Variants in SFSWAP observed in about 807,000 individuals in gnomAD.
SFSWAP encodes splicing factor, suppressor of white-apricot homolog.
A neutral mutation model predicts 100.7 loss-of-function variants in SFSWAP; 17 were observed. That is an observed-to-expected ratio of 0.17 (90% CI 0.12 to 0.25). The LOEUF is 0.25. SFSWAP is among the 10% of genes least tolerant of loss of function. SFSWAP has a pLI of 1.00. For missense variants in SFSWAP, 1,005 were observed against 1,262.6 expected (o/e 0.80, Z 3.09); for synonymous variants, 504 against 510.1 (o/e 0.99, Z 0.16).
rs901066468 is a variant in SFSWAP, at chr12:131,734,476, G to A, written c.1081+6048G>A. Among the ~76,000 whole-genome samples, 6 of 152,186 alleles carry A rather than the reference G, an allele frequency of 3.9e-5. No individual in the cohort carries two copies. In the East Asian group the frequency reaches 5.8e-4, roughly 15 times the overall value. The stretch of plus-strand genomic sequence containing the variant: ...CCCACGCACTCCCTGCTTGTAAGCC[G>A]GGGCCGCATTGTTGTGTTACCACAC... On this transcript the variant is annotated intron_variant, in intron 7 of 17. Transcript: ENST00000261674. This position sits in a 1 kb window ranked among gnomAD's most constrained non-coding sequence, Gnocchi z 4.9.
chr12:131,732,067 G>A (rs1196679391), intron 7 of SFSWAP, among the ~76,000 whole-genome samples: 2 of 151,438 alleles, frequency 1.3e-5, no homozygotes, highest in African/African-American at 2.4e-5. Context: ...TCGTCACCAC[G>A]CCTGGCTAAT....
At chr12:131,754,545 T>G in intron 9 of SFSWAP, 46 bp downstream of exon 9, 1 of 1,389,584 alleles carries the variant, frequency 7.2e-7, no homozygotes, top group Non-Finnish European at 9.5e-7. Flanking sequence ...ATTTGGGGGT[T>G]TCGTTTAGCC....
chr12:131,736,154 G>C (rs1170901846), intron 7 of SFSWAP, among the ~76,000 whole-genome samples: 1 of 152,106 alleles, frequency 6.6e-6, no homozygotes, highest in East Asian at 1.9e-4. Context: ...GGATGAATGA[G>C]TCCCCAAAAA....
At chr12:131,754,643 T>C (rs1435895184) in intron 9 of SFSWAP, 144 bp downstream of exon 9, 3 of 516,482 alleles carry the variant, frequency 5.8e-6, no homozygotes, top group Admixed American at 9.7e-5. Context: ...TTTTTTTTTT[T>C]TTTTTTTTGA....
At chr12:131,726,566 T>C (rs185015948) in intron 5 of SFSWAP, among the ~76,000 whole-genome samples, 5 of 152,366 alleles carry the variant, frequency 3.3e-5, no homozygotes, top group Admixed American at 3.3e-4. Flanking sequence ...GTTGTGTAAA[T>C]CTTAATGCAG....
intron 11 of SFSWAP, among the ~76,000 whole-genome samples, chr12:131,759,651 A>C (rs1346014720): frequency 1.3e-5 from 2 of 151,774 alleles, no homozygotes; most frequent in African/African-American, 4.8e-5. Context: ...TAAAAAAAAA[A>C]TTAGCCGGGC....
chr12:131,795,878 A>G (rs1208507377), intron 15 of SFSWAP, among the ~76,000 whole-genome samples: 1 of 149,850 alleles, frequency 6.7e-6, no homozygotes, highest in Non-Finnish European at 1.5e-5. Flanking sequence ...AGGCTGAGCC[A>G]GGGAGTCCCC....
At chr12:131,785,117 G>A in intron 14 of SFSWAP, 1 of 1,535,686 alleles carries the variant, frequency 6.5e-7, no homozygotes, top group Non-Finnish European at 8.7e-7. Context: ...CCCTGTCAGA[G>A]CAGCGCGTCA....
In SFSWAP at chr12:131,769,803, A is replaced by G. The variant is rs181593988; in HGVS notation, c.2142+3495A>G. ...CACCACGCCCGGCTAATTTTTTTGTATTTTTAGTAGAGACGGGGTTTCACC... is the reference window on the plus strand; with the variant it reads ...CACCACGCCCGGCTAATTTTTTTGTGTTTTTAGTAGAGACGGGGTTTCACC... On this transcript the variant is annotated intron_variant, in intron 13 of 17. Transcript: ENST00000261674. Among the ~76,000 whole-genome samples the G allele has an allele frequency of 2.5e-4, 38 of 152,008 alleles. No homozygotes were observed. The Middle Eastern group carries it at 0.01, about 41-fold the overall frequency.
At position 131,778,297 on chromosome 12, in the gene SFSWAP, T is replaced by C; in HGVS notation, c.2375T>C (p.Leu792Pro). The change falls in exon 14 of 18, where the codon CTT becomes CCT. Residue 792 changes from leucine to proline, a missense_variant. Physicochemically the swap from Leu to Pro is moderately conservative, Grantham distance 98. Transcript: ENST00000261674. The surrounding 1 kb of genome is among the most constrained non-coding windows in gnomAD (Gnocchi z 4.2). The stretch of plus-strand genomic sequence containing the variant: ...TCACACTCAAAAGCAAAGCATTCTC[T>C]TCCCAGTGCCTATCGGACAGTGCGG... Reference protein sequence around the residue: ...SRSHSKAKHSLPSAYRTVRRS... With the variant: ...SRSHSKAKHSPPSAYRTVRRS... 1 of 1,612,966 alleles carries C rather than the reference T, an allele frequency of 6.2e-7. No individual in the cohort carries two copies.
rs925398142 is a variant in SFSWAP at position 131,734,456 on chromosome 12, G to A, written c.1081+6028G>A. 4.6e-5 allele frequency among the ~76,000 whole-genome samples: 7 copies of A among 152,284 alleles called. No homozygotes were observed. The highest frequency in any genetic ancestry group is 3.4e-3 in the Middle Eastern group (1 of 294). ...TCAGAGAGGCAGCCGCCCACCCCAC[G>A]CACTCCCTGCTTGTAAGCCGGGGCC... is the stretch of plus-strand genomic sequence containing the variant. On this transcript the variant is annotated intron_variant, in intron 7 of 17. Coordinates refer to ENST00000261674, the MANE Select transcript of SFSWAP (RefSeq NM_004592.4). The surrounding 1 kb of genome is among the most constrained non-coding windows in gnomAD (Gnocchi z 4.9).
intron 15 of SFSWAP, among the ~76,000 whole-genome samples, chr12:131,792,269 A>G (rs1302305144): frequency 3.6e-5 from 5 of 137,172 alleles, no homozygotes; most frequent in Admixed American, 7.5e-5. Context: ...CTGTGTGTGC[A>G]TATGTGTGTA....
In SFSWAP at chr12:131,730,938, G is replaced by A. The variant is rs531976453; in HGVS notation, c.1081+2510G>A. On this transcript the variant is annotated intron_variant, in intron 7 of 17. Transcript: ENST00000261674. The surrounding 1 kb of genome is among the most constrained non-coding windows in gnomAD (Gnocchi z 4.0). ...TGCCTGGGGGCTGGTGAAAGCATGC[G>A]TGTCTGCTGTTAGGGTCTGTGGGTT... 4.6e-5 allele frequency among the ~76,000 whole-genome samples: 7 copies of A among 152,328 alleles called. No individual in the cohort carries two copies. The East Asian group carries it at 5.8e-4, about 13-fold the overall frequency.
At chr12:131,782,668 G>A (rs1884585538) in intron 14 of SFSWAP, among the ~76,000 whole-genome samples, 2 of 152,164 alleles carry the variant, frequency 1.3e-5, no homozygotes, top group Non-Finnish European at 2.9e-5. Context: ...AATACAGAAA[G>A]TTAAGATTAG....
chr12:131,727,722 CTA>C (rs1232249678), intron 6 of SFSWAP, among the ~76,000 whole-genome samples: 1 of 152,194 alleles, frequency 6.6e-6, no homozygotes, highest in Non-Finnish European at 1.5e-5. Flanking sequence ...TCTTCGAGTC[CTA>C]TGTTACCATC....
At chr12:131,761,867 G>A (rs1250218236) in intron 11 of SFSWAP, among the ~76,000 whole-genome samples, 1 of 152,164 alleles carries the variant, frequency 6.6e-6, no homozygotes, top group Non-Finnish European at 1.5e-5. Context: ...CCATCCTGTG[G>A]AGCTGTAAAG....
intron 7 of SFSWAP, among the ~76,000 whole-genome samples, chr12:131,738,122 C>G (rs1209971792): frequency 3.9e-5 from 6 of 151,998 alleles, no homozygotes; most frequent in Non-Finnish European, 7.4e-5. Flanking sequence ...GAAATTAAAC[C>G]ATTGCGCATG....
chr12:131,746,269 G>A (rs1487179299), intron 7 of SFSWAP, among the ~76,000 whole-genome samples: 1 of 152,248 alleles, frequency 6.6e-6, no homozygotes, highest in African/African-American at 2.4e-5. Flanking sequence ...ACCCTTGAGA[G>A]GTGGTTCTCA....
chr12:131,728,910 G>C (rs1310934391), intron 7 of SFSWAP, among the ~76,000 whole-genome samples: 3 of 152,004 alleles, frequency 2.0e-5, no homozygotes, highest in Non-Finnish European at 4.4e-5. Flanking sequence ...GCCCAGGCTG[G>C]TCTCGAGCTC....
Sources: allele counts gnomAD v4.1 joint callset (sites outside exome capture counted in the v4.1 genomes callset), GRCh38; gene constraint gnomAD v4.1.1; non-coding constraint Gnocchi (gnomAD v3.1); transcripts MANE v1.5; gene names NCBI Gene and HGNC (gene_info 2026-07-23, HGNC 2026-07-21).